Variants in PKNOX2 observed in about 807,000 individuals in gnomAD.
PKNOX2 encodes homeobox protein PKNOX2.
Under a neutral mutation model 53.1 loss-of-function variants are expected in PKNOX2, and 14 were observed. The ratio of observed to expected loss-of-function variants is 0.26; its 90% CI spans 0.17 to 0.41. PKNOX2 has a LOEUF of 0.41. PKNOX2 is among the 10% of genes least tolerant of loss of function. The pLI is 1.00. For missense variants in PKNOX2, 496 were observed against 602.8 expected, an observed-to-expected ratio of 0.82 and a Z score of 1.85; for synonymous variants, 257 against 242.8, an observed-to-expected ratio of 1.06 and a Z score of -0.54.
At chr11:125,408,903 A>G (rs538809065) in intron 7 of PKNOX2, among the ~76,000 whole-genome samples, 1 of 152,288 alleles carries the variant, frequency 6.6e-6, no homozygotes, top group East Asian at 1.9e-4. Context: ...AAAAACCGGG[A>G]AGCTGGGGCC....
At chr11:125,319,461 TA>T (rs1266420055) in intron 2 of PKNOX2, among the ~76,000 whole-genome samples, 5 of 152,122 alleles carry the variant, frequency 3.3e-5, no homozygotes, top group Non-Finnish European at 5.9e-5. Flanking sequence ...CTTCAATTTG[TA>T]AAAAATGCAA....
intron 1 of PKNOX2, among the ~76,000 whole-genome samples, chr11:125,194,136 C>T (rs1001152344): frequency 1.7e-4 from 26 of 152,332 alleles, no homozygotes; most frequent in East Asian, 1.9e-4. Flanking sequence ...CCCTTCCTCC[C>T]TGGTCTCTGC....
intron 10 of PKNOX2, among the ~76,000 whole-genome samples, chr11:125,419,792 A>G (rs1381359410): frequency 6.6e-6 from 1 of 151,262 alleles, no homozygotes; most frequent in East Asian, 1.9e-4. Flanking sequence ...GCACTTTAGG[A>G]GGCCAAGGCG....
At chr11:125,363,479 C>T (rs1952028989) in intron 4 of PKNOX2, among the ~76,000 whole-genome samples, 1 of 152,232 alleles carries the variant, frequency 6.6e-6, no homozygotes, top group Admixed American at 6.5e-5. Flanking sequence ...CTGCTCTTTC[C>T]ATTCTCTGAG....
At chr11:125,342,430 C>T (rs1413078527) in intron 3 of PKNOX2, among the ~76,000 whole-genome samples, 1 of 152,152 alleles carries the variant, frequency 6.6e-6, no homozygotes, top group Non-Finnish European at 1.5e-5. Context: ...TTCCTCCTCC[C>T]CCCAGCTCCC....
intron 2 of PKNOX2, among the ~76,000 whole-genome samples, chr11:125,310,511 A>C (rs147443093): frequency 0.014 from 2,120 of 151,768 alleles, 53 homozygotes; most frequent in African/African-American, 0.048. Flanking sequence ...AAAAATAATA[A>C]AAATAATAAT....
chr11:125,380,957 G>A (rs546750627), intron 5 of PKNOX2, among the ~76,000 whole-genome samples: 3 of 152,340 alleles, frequency 2.0e-5, no homozygotes, highest in African/African-American at 7.2e-5. Context: ...GGGCACCTGG[G>A]GAAGGGGAGG....
At chr11:125,347,926 C>G (rs1951070458) in intron 3 of PKNOX2, among the ~76,000 whole-genome samples, 1 of 152,200 alleles carries the variant, frequency 6.6e-6, no homozygotes, top group Non-Finnish European at 1.5e-5. Context: ...GACTGTGCCC[C>G]CTTGAATGCC....
intron 10 of PKNOX2, among the ~76,000 whole-genome samples, chr11:125,418,544 C>T (rs1485763815): frequency 6.6e-6 from 1 of 152,008 alleles, no homozygotes; most frequent in African/African-American, 2.4e-5. Context: ...ACCCCAGGAA[C>T]AGCGGGTGCA....
At chr11:125,255,751 T>A (rs1347316546) in intron 2 of PKNOX2, among the ~76,000 whole-genome samples, 1 of 152,060 alleles carries the variant, frequency 6.6e-6, no homozygotes, top group Non-Finnish European at 1.5e-5. Context: ...TTTGTTCACT[T>A]CTGGAAGTCG....
intron 2 of PKNOX2, chr11:125,277,407 G>T (rs930476270): frequency 6.6e-6 from 1 of 152,218 alleles, no homozygotes; most frequent in Non-Finnish European, 1.5e-5. Context: ...AATCATCCAT[G>T]AATGAGGGGG....
intron 5 of PKNOX2, among the ~76,000 whole-genome samples, chr11:125,376,259 G>A (rs1367984034): frequency 6.6e-6 from 1 of 152,210 alleles, no homozygotes; most frequent in Non-Finnish European, 1.5e-5. Context: ...ACTCGAAGAA[G>A]TCCTCTCCAA....
Position 125,297,858 on chromosome 11 carries a change from C to A in PKNOX2, c.-129-33961C>A, listed in dbSNP as rs78573446. ...GATGAGCCTGGTGCCCATCTTTGAG[C>A]CCCATATCACCCTTCCCATAGATTA... is the stretch of plus-strand genomic sequence containing the variant. On this transcript the variant is annotated intron_variant, in intron 2 of 12. Transcript: ENST00000298282. Among the ~76,000 whole-genome samples, 46 of 152,306 alleles carry A rather than the reference C, an allele frequency of 3.0e-4. No individual in the cohort carries two copies. In the East Asian group the frequency reaches 7.7e-3, roughly 26 times the overall value.
chr11:125,406,276 A>C (rs1420363866), intron 7 of PKNOX2, among the ~76,000 whole-genome samples: 2 of 152,230 alleles, frequency 1.3e-5, no homozygotes, highest in Non-Finnish European at 2.9e-5. Flanking sequence ...CTAGAGACTA[A>C]GCCTGGACTG....
At position 125,410,415 on chromosome 11, in the gene PKNOX2, C is replaced by T. The variant is rs1280729875; in HGVS notation, c.718+90C>T. On this transcript the variant is annotated intron_variant, in intron 8 of 12. Coordinates refer to ENST00000298282, the MANE Select transcript of PKNOX2 (RefSeq NM_001382323.2). ...GGCGGTTCCAGGGGTGGGGGTTGTC[C>T]TCCACCGAGGGAGGGGCTCCCAGCT... is the stretch of plus-strand genomic sequence containing the variant. The T allele has an allele frequency of 9.0e-6, 14 of 1,551,942 alleles. No homozygotes were observed. In the Admixed American group the frequency reaches 2.4e-4, roughly 26 times the overall value.
chr11:125,210,730 C>A (rs972352943), intron 1 of PKNOX2, among the ~76,000 whole-genome samples: 21 of 152,046 alleles, frequency 1.4e-4, no homozygotes, highest in Non-Finnish European at 4.4e-5. Context: ...GAGTTGTCAC[C>A]CTCACTGTCC....
At position 125,398,024 on chromosome 11, in the gene PKNOX2, T is replaced by C. The variant is rs2135457821; in HGVS notation, c.550T>C (p.Tyr184His). The change falls in exon 7 of 13, where the codon TAC becomes CAC. Residue 184 changes from tyrosine to histidine, a missense_variant. Transcript: ENST00000298282. ...NLLRNDLGGP[Y>H]SPNQPSINLH... ...GCTCAGGAATGATCTAGGGGGGCCC[T>C]ACTCCCCCAACCAGCCCTCCATCAA... 1 of 1,613,508 alleles carries C rather than the reference T, an allele frequency of 6.2e-7. No individual in the cohort carries two copies. Among genetic ancestry groups the C allele is most frequent in the East Asian group, 2.2e-5 (1 of 44,858 alleles).
intron 4 of PKNOX2, among the ~76,000 whole-genome samples, chr11:125,367,599 T>G (rs1209187923): frequency 1.3e-5 from 2 of 152,182 alleles, no homozygotes; most frequent in African/African-American, 4.8e-5. Flanking sequence ...CTTTTCAGAG[T>G]GTGCTGGGCA....
intron 4 of PKNOX2, among the ~76,000 whole-genome samples, chr11:125,356,322 G>C (rs1951612646): frequency 6.6e-6 from 1 of 152,210 alleles, no homozygotes; most frequent in Non-Finnish European, 1.5e-5. Flanking sequence ...GTAGCTAGGG[G>C]CTTACGTAGC....
Sources: allele counts gnomAD v4.1 joint callset (sites outside exome capture counted in the v4.1 genomes callset), GRCh38; gene constraint gnomAD v4.1.1; transcripts MANE v1.5; gene names NCBI Gene and HGNC (gene_info 2026-07-23, HGNC 2026-07-21).